CPAP: variants seen among roughly 807,000 people sequenced by gnomAD.
The protein encoded by CPAP is centrosome assembly and centriole elongation protein, also known as centrosomal P4.1-associated protein.
At chr13:24,907,119 T>C in the CPAP span, 1 of 1,613,862 alleles carries the variant, frequency 6.2e-7, no homozygotes, top group Non-Finnish European at 8.5e-7. Context: ...CAGTTCTTGC[T>C]CTTCCAACTG....
the CPAP span, among the ~76,000 whole-genome samples, chr13:24,898,502 T>C: frequency 6.6e-6 from 1 of 152,236 alleles, no homozygotes; most frequent in East Asian, 1.9e-4. Context: ...TTTGTAACTT[T>C]TGAATGATAA....
chr13:24,911,326 C>T, the CPAP span, among the ~76,000 whole-genome samples: 2 of 152,136 alleles, frequency 1.3e-5, no homozygotes, highest in Admixed American at 6.5e-5. Context: ...AGTTTTCTTT[C>T]CTGATTGGCA....
chr13:24,905,272 A>G, the CPAP span: 6 of 1,367,770 alleles, frequency 4.4e-6, no homozygotes, highest in East Asian at 1.4e-4. Context: ...TAGGATTTTA[A>G]GCATTCTGAC....
At chr13:24,891,694 A>G in the CPAP span, among the ~76,000 whole-genome samples, 1 of 152,060 alleles carries the variant, frequency 6.6e-6, no homozygotes, top group Non-Finnish European at 1.5e-5. Context: ...CCCGGTCTAC[A>G]GCAGTCGGAG....
chr13:24,909,448 A>G, the CPAP span, among the ~76,000 whole-genome samples: 1 of 152,122 alleles, frequency 6.6e-6, no homozygotes, highest in African/African-American at 2.4e-5. Flanking sequence ...GAATCACTTG[A>G]ACCCGAGAGG....
At chr13:24,897,525 G>A in the CPAP span, among the ~76,000 whole-genome samples, 1 of 152,172 alleles carries the variant, frequency 6.6e-6, no homozygotes, top group African/African-American at 2.4e-5. Context: ...ATTCAGTACA[G>A]CCCTTCTTGG....
chr13:24,901,554 A>G, the CPAP span, among the ~76,000 whole-genome samples: 3 of 152,266 alleles, frequency 2.0e-5, no homozygotes, highest in African/African-American at 4.8e-5. Context: ...TATTCCCTGC[A>G]GAATAATTTC....
the CPAP span, chr13:24,883,889 C>CT: frequency 1.3e-6 from 2 of 1,585,500 alleles, no homozygotes; most frequent in Non-Finnish European, 1.7e-6. Context: ...AAACGCAAGG[C>CT]TGGGGCACCT....
the CPAP span, among the ~76,000 whole-genome samples, chr13:24,915,853 G>A: frequency 2.6e-5 from 4 of 152,250 alleles, no homozygotes; most frequent in East Asian, 1.9e-4. Context: ...AAAGTGTAGC[G>A]TCCTTGAGGC....
At chr13:24,910,925 C>G in the CPAP span, among the ~76,000 whole-genome samples, 1 of 152,158 alleles carries the variant, frequency 6.6e-6, no homozygotes, top group Non-Finnish European at 1.5e-5. Context: ...TGACCACACC[C>G]CACCTGACCC....
At chr13:24,884,296 T>C in the CPAP span, 834 of 1,614,150 alleles carry the variant, frequency 5.2e-4, 12 homozygotes, top group South Asian at 8.8e-3. Flanking sequence ...GGTTAAACTA[T>C]GGAGGAGAAC....
chr13:24,883,052 A>ACTT, the CPAP span: 3 of 855,554 alleles, frequency 3.5e-6, no homozygotes, highest in Middle Eastern at 3.1e-4. Context: ...CACAGGGTAA[A>ACTT]CTTTTATTTT....
At chr13:24,907,957 A>AT in the CPAP span, 1 of 1,196,368 alleles carries the variant, frequency 8.4e-7, no homozygotes, top group Non-Finnish European at 1.2e-6. Context: ...AAAGTGTTCA[A>AT]TAATAAAGGC....
At chr13:24,912,769 T>G in the CPAP span, 5 of 1,614,116 alleles carry the variant, frequency 3.1e-6, no homozygotes, top group African/African-American at 6.7e-5. Flanking sequence ...CTGTGGTTTG[T>G]AAGGGTTGTT....
the CPAP span, chr13:24,909,732 A>G: frequency 1.3e-6 from 2 of 1,482,120 alleles, no homozygotes; most frequent in African/African-American, 2.8e-5. Flanking sequence ...GAAAGGCTTC[A>G]TCTTAGGACA....
At chr13:24,905,305 T>A in the CPAP span, 1 of 1,569,518 alleles carries the variant, frequency 6.4e-7, no homozygotes, top group South Asian at 1.1e-5. Context: ...AATGTTAAAT[T>A]TCTAACATTC....
chr13:24,919,135 G>GT, the CPAP span, among the ~76,000 whole-genome samples: 28 of 152,254 alleles, frequency 1.8e-4, no homozygotes, highest in African/African-American at 6.5e-4. Flanking sequence ...TTAGAACACT[G>GT]TGAGATTTAA....
the CPAP span, among the ~76,000 whole-genome samples, chr13:24,891,687 G>C: frequency 3.3e-5 from 5 of 152,122 alleles, no homozygotes; most frequent in South Asian, 4.2e-4. Flanking sequence ...ACCTGTTCCC[G>C]GTCTACAGCA....
the CPAP span, chr13:24,886,206 G>T: frequency 4.1e-6 from 3 of 737,344 alleles, no homozygotes; most frequent in Non-Finnish European, 6.2e-6. Context: ...CATCCTATGT[G>T]CCAATGGATC....
Sources: allele counts gnomAD v4.1 joint callset (sites outside exome capture counted in the v4.1 genomes callset), GRCh38; gene constraint gnomAD v4.1.1; transcripts MANE v1.5; gene names NCBI Gene and HGNC (gene_info 2026-07-23, HGNC 2026-07-21).